ST18: variants seen among roughly 807,000 people sequenced by gnomAD.
The protein encoded by ST18 is suppression of tumorigenicity 18 protein.
ST18 carries 50 observed loss-of-function variants against 110.0 expected under a neutral mutation model. The observed-to-expected ratio is 0.45, with a 90% confidence interval of 0.36 to 0.58. The LOEUF is 0.58. Among genes scored for constraint, ST18 ranks in the 20% least tolerant of loss-of-function variants. ST18 has a pLI of 0.00. For synonymous variants in ST18, 461 were observed against 452.4 expected (o/e 1.02, Z -0.24); for missense variants, 1,306 against 1,280.1 (o/e 1.02, Z -0.31).
At chr8:52,280,679 A>T (rs746977359) in intron 2 of ST18, among the ~76,000 whole-genome samples, 23 of 152,118 alleles carry the variant, frequency 1.5e-4, no homozygotes, top group Non-Finnish European at 2.6e-4. Context: ...TATCAGGAAC[A>T]TATAACAATT....
At chr8:52,198,227 G>A (rs938624889) in intron 8 of ST18, among the ~76,000 whole-genome samples, 5 of 152,180 alleles carry the variant, frequency 3.3e-5, no homozygotes, top group East Asian at 1.9e-4. Context: ...GGCTGGTCTC[G>A]AACTCCTGAC....
At chr8:52,329,943 T>G (rs545190080) in intron 2 of ST18, among the ~76,000 whole-genome samples, 1 of 152,286 alleles carries the variant, frequency 6.6e-6, no homozygotes, top group Non-Finnish European at 1.5e-5. Context: ...GGCTAGTGAA[T>G]GTTTCTGTTG....
chr8:52,230,600 A>C (rs1032789214), intron 2 of ST18, among the ~76,000 whole-genome samples: 8 of 152,192 alleles, frequency 5.3e-5, no homozygotes, highest in Admixed American at 1.3e-4. Flanking sequence ...GTGGACAAAC[A>C]CAGGAGTGAC....
intron 23 of ST18, among the ~76,000 whole-genome samples, chr8:52,119,254 A>T (rs2043729974): frequency 6.6e-6 from 1 of 152,232 alleles, no homozygotes. Context: ...AATGGGGGTT[A>T]TTTCCCATGA....
intron 8 of ST18, among the ~76,000 whole-genome samples, chr8:52,197,891 A>G (rs973394885): frequency 1.4e-4 from 20 of 143,098 alleles, no homozygotes; most frequent in Non-Finnish European, 2.5e-4. Flanking sequence ...CAAAATGAGC[A>G]CACACACACA....
chr8:52,336,259 C>T lies in ST18; in HGVS notation c.-465+73069G>A, dbSNP rs537411483. Among the ~76,000 whole-genome samples the T allele has an allele frequency of 7.8e-4, 118 of 152,230 alleles. 1 individual carries two copies. The Middle Eastern group carries it at 0.02, about 26-fold the overall frequency. On this transcript the variant is annotated intron_variant, in intron 2 of 25. Transcript: ENST00000689386. ...TGCCTTCCGGGTTCAAGCGATTCTC[C>T]TGCCTCAAGCCTCCCAGGTAGGTGG...
chr8:52,137,403 C>A lies in ST18; in HGVS notation c.2231+18G>T. The A allele has an allele frequency of 6.2e-7, 1 of 1,613,878 alleles. No individual in the cohort carries two copies. Among genetic ancestry groups the A allele is most frequent in the Non-Finnish European group, 8.5e-7 (1 of 1,179,830 alleles). The stretch of plus-strand genomic sequence containing the variant: ...ACAAGACCATGAAAATCTGACTGCA[C>A]ATGAGGTCATTGGGTACCTGCGATG... On this transcript the variant is annotated intron_variant, in intron 18 of 25. Coordinates refer to ENST00000689386, the MANE Select transcript of ST18 (RefSeq NM_001352837.2).
At chr8:52,176,576 C>A (rs758631550) in intron 9 of ST18, among the ~76,000 whole-genome samples, 2 of 152,060 alleles carry the variant, frequency 1.3e-5, no homozygotes, top group Non-Finnish European at 2.9e-5. Flanking sequence ...GAGGGAGCAG[C>A]GGCTGGAGCT....
At chr8:52,157,265 G>T (rs1009786299) in intron 15 of ST18, among the ~76,000 whole-genome samples, 1 of 152,130 alleles carries the variant, frequency 6.6e-6, no homozygotes, top group Non-Finnish European at 1.5e-5. Flanking sequence ...AGAAGATGGA[G>T]AATCTGAAGG....
chr8:52,192,386 T>A (rs949975270), intron 8 of ST18, among the ~76,000 whole-genome samples: 24 of 152,278 alleles, frequency 1.6e-4, no homozygotes, highest in Admixed American at 1.6e-3. Flanking sequence ...TCATGCAGAG[T>A]GTCTGCTCTA....
chr8:52,134,183 G>A (rs2051009973), intron 19 of ST18, among the ~76,000 whole-genome samples: 2 of 152,152 alleles, frequency 1.3e-5, no homozygotes, highest in African/African-American at 4.8e-5. Flanking sequence ...TTTGCACCTG[G>A]TCTGTCCTGC....
chr8:52,343,133 C>A (rs770172565), intron 2 of ST18, among the ~76,000 whole-genome samples: 30 of 152,112 alleles, frequency 2.0e-4, no homozygotes, highest in Non-Finnish European at 3.5e-4. Flanking sequence ...AAACAAGAGA[C>A]TGGAGGGCTC....
At chr8:52,197,801 C>A (rs1029097901) in intron 8 of ST18, among the ~76,000 whole-genome samples, 1 of 151,968 alleles carries the variant, frequency 6.6e-6, no homozygotes, top group African/African-American at 2.4e-5. Flanking sequence ...AATACAGACA[C>A]AGCACAACCC....
At chr8:52,352,972 C>A (rs1287683335) in intron 2 of ST18, among the ~76,000 whole-genome samples, 1 of 152,150 alleles carries the variant, frequency 6.6e-6, no homozygotes, top group African/African-American at 2.4e-5. Context: ...TGTGATCTTC[C>A]AGCTACTATG....
chr8:52,148,830 A>G (rs2058074180), intron 16 of ST18, among the ~76,000 whole-genome samples: 1 of 152,180 alleles, frequency 6.6e-6, no homozygotes, highest in South Asian at 2.1e-4. Context: ...CAAAAATCAA[A>G]TTAGATCTCA....
At chr8:52,241,781 TC>T (rs1192552000) in intron 2 of ST18, among the ~76,000 whole-genome samples, 1 of 152,212 alleles carries the variant, frequency 6.6e-6, no homozygotes, top group African/African-American at 2.4e-5. Flanking sequence ...TCATTTTAAA[TC>T]ATATTCAGCT....
rs1564568297 is a variant in ST18, at chr8:52,357,700, TA to T, written c.-465+51627del. 8.0e-3 allele frequency among the ~76,000 whole-genome samples: 863 copies of T among 107,812 alleles called. 33 individuals are homozygous for T. Among genetic ancestry groups the T allele is most frequent in the African/African-American group, 0.029 (812 of 27,988 alleles). 70.7% of individuals were successfully genotyped at this position (107,812 alleles called of 152,430 possible). On this transcript the variant is annotated intron_variant, in intron 2 of 25. Coordinates refer to ENST00000689386, the MANE Select transcript of ST18 (RefSeq NM_001352837.2). ...AAATATATATATATATATATATATATATATATATATATATATATATATATAT... is the reference window on the plus strand; with the variant it reads ...AAATATATATATATATATATATATATTATATATATATATATATATATATAT...
rs982733961 is a variant in ST18 at position 52,220,724 on chromosome 8, T to A, written c.-157+17A>T. ...TCAACATGTTCTACTTTTTAATAAA[T>A]AAAAATGTCGCCTTACCTCTCTTTT... On this transcript the variant is annotated intron_variant, in intron 5 of 25. Coordinates refer to ENST00000689386, the MANE Select transcript of ST18 (RefSeq NM_001352837.2). 1.3e-5 allele frequency: 2 copies of A among 152,162 alleles called. No individual in the cohort carries two copies. The highest frequency in any genetic ancestry group is 4.8e-5 in the African/African-American group (2 of 41,442). The allele number at this position is 152,162 out of a possible 1,614,324, so 9.4% of individuals were successfully genotyped here.
At chr8:52,270,810 C>A (rs2095049530) in intron 2 of ST18, among the ~76,000 whole-genome samples, 1 of 151,990 alleles carries the variant, frequency 6.6e-6, no homozygotes, top group East Asian at 1.9e-4. Flanking sequence ...GTGAAGTGTA[C>A]ACAACTCTGC....
Sources: gnomAD v4.1 joint callset for allele counts (sites outside exome capture counted in the v4.1 genomes callset) on GRCh38, gnomAD v4.1.1 for gene constraint, MANE v1.5 for transcripts, NCBI Gene and HGNC (gene_info 2026-07-23, HGNC 2026-07-21) for gene names.